SLC2A14: variants seen among roughly 807,000 people sequenced by gnomAD.
SLC2A14 encodes the protein solute carrier family 2, facilitated glucose transporter member 14.
SLC2A14 carries 13 observed loss-of-function variants against 43.0 expected under a neutral mutation model. The observed-to-expected ratio is 0.30, with a 90% CI of 0.20 to 0.48. SLC2A14 has a LOEUF of 0.48. Ranked by LOEUF, SLC2A14 falls within the 20% of genes least tolerant of loss-of-function variation. The pLI is 0.99. For missense variants in SLC2A14, 428 were observed against 620.4 expected, an observed-to-expected ratio of 0.69 and a Z score of 3.29; for synonymous variants, 190 against 233.8, an observed-to-expected ratio of 0.81 and a Z score of 1.71.
At chr12:7,817,590 A>G (rs1477035328) in intron 10 of SLC2A14, among the ~76,000 whole-genome samples, 1 of 148,962 alleles carries the variant, frequency 6.7e-6, no homozygotes, top group Non-Finnish European at 1.5e-5. Flanking sequence ...AACATGGGGA[A>G]ACCCCATCTC....
intron 10 of SLC2A14, 149 bp downstream of exon 10, chr12:7,817,682 G>A (rs1280418793): frequency 7.4e-6 from 7 of 949,516 alleles, no homozygotes; most frequent in South Asian, 2.0e-5. Flanking sequence ...CAGAAGAATC[G>A]CTTGTCAGTG....
intron 2 of SLC2A14, among the ~76,000 whole-genome samples, chr12:7,857,464 T>C (rs1321072988): frequency 6.6e-6 from 1 of 151,912 alleles, no homozygotes. Context: ...GGTGCACACC[T>C]GTAATCCCAG....
chr12:7,832,646 T>C, intron 3 of SLC2A14, 76 bp downstream of exon 3: 2 of 1,542,508 alleles, frequency 1.3e-6, no homozygotes, highest in South Asian at 2.3e-5. Context: ...TGGCCTTAAA[T>C]TCTGAATTCT....
At chr12:7,826,885 C>CT (rs1246472639) in intron 7 of SLC2A14, among the ~76,000 whole-genome samples, 1 of 57,396 alleles carries the variant, frequency 1.7e-5, no homozygotes, top group African/African-American at 1.0e-4. Flanking sequence ...TTCTTTCTTT[C>CT]TTTCTTTCTT....
At chr12:7,857,619 T>C (rs1944326046) in intron 2 of SLC2A14, among the ~76,000 whole-genome samples, 1 of 151,958 alleles carries the variant, frequency 6.6e-6, no homozygotes, top group Admixed American at 6.6e-5. Flanking sequence ...CATATATTCC[T>C]TTCTAAAAAT....
chr12:7,832,245 T>C (rs556222758), intron 3 of SLC2A14, among the ~76,000 whole-genome samples: 3 of 152,164 alleles, frequency 2.0e-5, no homozygotes, highest in Admixed American at 6.6e-5. Flanking sequence ...TAATTTTTCA[T>C]TTGTCCTGAA....
At chr12:7,882,889 T>TA (rs1945612265) in intron 1 of SLC2A14, among the ~76,000 whole-genome samples, 1 of 57,340 alleles carries the variant, frequency 1.7e-5, no homozygotes, top group Admixed American at 1.5e-4. Flanking sequence ...CAATTCAAGT[T>TA]TAAAAAAAAA....
At chr12:7,875,135 T>TTAAATATAATATTTAAAATTAAATATATA (rs1555148992), upstream of SLC2A14, among the ~76,000 whole-genome samples, 1 of 109,452 alleles carries the variant, frequency 9.1e-6, no homozygotes, top group Non-Finnish European at 1.7e-5. Context: ...TTAAATATAT[T>TTAAATATAATATTTAAAATTAAATATATA]TAAATATTAT....
chr12:7,834,050 C>A (rs919614883), intron 2 of SLC2A14, among the ~76,000 whole-genome samples: 3 of 132,004 alleles, frequency 2.3e-5, no homozygotes, highest in Non-Finnish European at 5.3e-5. Flanking sequence ...ACCTTGCCTG[C>A]GGCCTCTCAG....
At chr12:7,890,050 C>T (rs925060718) in intron 1 of SLC2A14, among the ~76,000 whole-genome samples, 2 of 152,114 alleles carry the variant, frequency 1.3e-5, no homozygotes, top group Admixed American at 6.6e-5. Context: ...TTTACTGCAA[C>T]CTGTTTTATC....
At chr12:7,865,373 TAA>T in intron 2 of SLC2A14, among the ~76,000 whole-genome samples, 1 of 151,860 alleles carries the variant, frequency 6.6e-6, no homozygotes, top group East Asian at 1.9e-4. Context: ...CCATCTCTAC[TAA>T]AAACACAAAA....
intron 2 of SLC2A14, among the ~76,000 whole-genome samples, chr12:7,843,896 G>GAA (rs200408193): frequency 1.3e-5 from 2 of 148,732 alleles, no homozygotes; most frequent in Non-Finnish European, 3.0e-5. Context: ...AACATTTCAA[G>GAA]AAAAAAACAC....
At chr12:7,878,389 G>T (rs966902970), upstream of SLC2A14, among the ~76,000 whole-genome samples, 5 of 151,982 alleles carry the variant, frequency 3.3e-5, no homozygotes, top group African/African-American at 1.2e-4. Flanking sequence ...CTCCTGGGTA[G>T]CTGGGACTAC....
At chr12:7,871,892 T>C (rs1945255254) in intron 1 of SLC2A14, 1 of 984,528 alleles carries the variant, frequency 1.0e-6, no homozygotes, top group Non-Finnish European at 1.2e-6. Flanking sequence ...CCACCCATCG[T>C]GGGAGTGTGC....
At chr12:7,837,385 A>C (rs1865542751) in intron 2 of SLC2A14, among the ~76,000 whole-genome samples, 1 of 152,144 alleles carries the variant, frequency 6.6e-6, no homozygotes, top group African/African-American at 2.4e-5. Context: ...AGTGGCTCAC[A>C]CTTGTAATCT....
upstream of SLC2A14, among the ~76,000 whole-genome samples, chr12:7,877,424 A>C (rs1362513221): frequency 6.6e-6 from 1 of 151,750 alleles, no homozygotes; most frequent in Non-Finnish European, 1.5e-5. Flanking sequence ...GAGAGTACAA[A>C]ATTTTTTCTT....
chr12:7,838,672 G>A (rs1470110152), intron 2 of SLC2A14, among the ~76,000 whole-genome samples: 3 of 152,182 alleles, frequency 2.0e-5, no homozygotes, highest in Non-Finnish European at 1.5e-5. Flanking sequence ...TGCTGGAATG[G>A]GTTAAGACTT....
intron 5 of SLC2A14, among the ~76,000 whole-genome samples, chr12:7,829,461 G>A (rs1426128333): frequency 6.6e-6 from 1 of 151,076 alleles, no homozygotes; most frequent in Non-Finnish European, 1.5e-5. Context: ...TCGGGAGGCT[G>A]AGGCATGAGA....
In SLC2A14 at chr12:7,829,965, C is replaced by T; in HGVS notation, c.314G>A (p.Gly105Asp). ...TTTACACAGTCCCATAAGGCAGCCA[C>T]CAGTGGCAGCCAACAGGTTGACAAT... The part of the protein sequence containing the change: ...MLIVNLLAAT[G>D]GCLMGLCKIA... The change falls in exon 5 of 11, where the codon GGT (glycine) becomes GAT (aspartate). Residue 105 changes from glycine to aspartate, a missense_variant. Transcript: ENST00000431042. The T allele has an allele frequency of 1.2e-6, 2 of 1,614,180 alleles. No individual in the cohort carries two copies. The highest frequency in any genetic ancestry group is 1.7e-6 in the Non-Finnish European group (2 of 1,180,032).
Sources: gnomAD v4.1 joint callset for allele counts (sites outside exome capture counted in the v4.1 genomes callset) on GRCh38, gnomAD v4.1.1 for gene constraint, MANE v1.5 for transcripts, NCBI Gene and HGNC (gene_info 2026-07-23, HGNC 2026-07-21) for gene names.